The following ASAP2 variants were observed in gnomAD, a reference collection of about 807,000 sequenced individuals.
The protein encoded by ASAP2 is ArfGAP with SH3 domain, ankyrin repeat and PH domain 2, also known as arf-GAP with SH3 domain, ANK repeat and PH domain-containing protein 2.
In ASAP2, 45 loss-of-function variants were observed where a neutral mutation model predicts 131.4. The observed-to-expected ratio is 0.34, with a 90% CI of 0.27 to 0.44. The LOEUF (loss-of-function observed/expected upper bound fraction) is 0.44. ASAP2 is among the 20% of genes least tolerant of loss of function. The pLI, the probability that ASAP2 is intolerant of heterozygous loss-of-function variation, is 1.00. For synonymous variants in ASAP2, 510 were observed against 503.0 expected (o/e 1.01, Z -0.19); for missense variants, 1,011 against 1,297.0 (o/e 0.78, Z 3.39).
intron 6 of ASAP2, among the ~76,000 whole-genome samples, chr2:9,323,506 T>C (rs13384605): frequency 0.42 from 63,890 of 152,140 alleles, 14,958 homozygotes; most frequent in African/African-American, 0.64. Flanking sequence ...TCTTTCTGGC[T>C]TCACGTACGT....
intron 15 of ASAP2, among the ~76,000 whole-genome samples, chr2:9,366,188 C>T (rs1455955396): frequency 1.3e-5 from 2 of 152,074 alleles, no homozygotes; most frequent in African/African-American, 2.4e-5. Flanking sequence ...CAAGGTAGCA[C>T]GTTTCTCTAG....
At chr2:9,272,937 T>G (rs909465733) in intron 1 of ASAP2, among the ~76,000 whole-genome samples, 2 of 152,226 alleles carry the variant, frequency 1.3e-5, no homozygotes, top group Non-Finnish European at 2.9e-5. Context: ...ACCATACTGT[T>G]TTGGCTACTA....
chr2:9,225,863 C>G (rs1434554308), intron 1 of ASAP2, among the ~76,000 whole-genome samples: 1 of 152,178 alleles, frequency 6.6e-6, no homozygotes, highest in East Asian at 1.9e-4. Context: ...TGTGCTGTCA[C>G]CAGGGTTGGT....
At chr2:9,385,161 G>A (rs1251717112) in intron 20 of ASAP2, 84 bp from the exon 21 acceptor site, 1 of 1,035,442 alleles carries the variant, frequency 9.7e-7, no homozygotes, top group East Asian at 2.4e-5. Context: ...TAGAAGGCAG[G>A]CCTCCTGCCT....
chr2:9,401,914 T>C (rs969777460), intron 27 of ASAP2, among the ~76,000 whole-genome samples: 5 of 152,144 alleles, frequency 3.3e-5, no homozygotes, highest in Admixed American at 1.3e-4. Context: ...ATTAGTGGGA[T>C]CATCTGTGAC....
In ASAP2 at chr2:9,350,901, G is replaced by T. The variant is rs753540024; in HGVS notation, c.1111+6G>T. 6.2e-7 allele frequency: 1 copy of T among 1,602,792 alleles called. No homozygotes were observed. The highest frequency in any genetic ancestry group is 8.5e-7 in the Non-Finnish European group (1 of 1,172,346). ...GTGCTTTGACCTCATTTCACGTAAG[G>T]CTCCCTCTGAGATGCCGCGCCATAG... On this transcript the variant is annotated splice_donor_region_variant and intron_variant, in intron 12 of 27. Coordinates refer to ENST00000281419, the MANE Select transcript of ASAP2 (RefSeq NM_003887.3).
Position 9,217,319 on chromosome 2 carries a change from T to C in ASAP2, c.126+10089T>C, listed in dbSNP as rs1662119547. On this transcript the variant is annotated intron_variant, in intron 1 of 27. Coordinates refer to ENST00000281419, the MANE Select transcript of ASAP2 (RefSeq NM_003887.3). This position sits in a 1 kb window ranked among gnomAD's most constrained non-coding sequence, Gnocchi z 4.0. ...CTCCTTGCTGCAGAAATTGTTCTTC[T>C]TTCCTCTCCTCACTGCTCTGCTGAC... is the stretch of plus-strand genomic sequence containing the variant. Among the ~76,000 whole-genome samples the C allele has an allele frequency of 6.6e-6, 1 of 152,234 alleles. No homozygotes were observed. Among genetic ancestry groups the C allele is most frequent in the African/African-American group, 2.4e-5 (1 of 41,462 alleles).
chr2:9,321,983 TGGGC>T (rs1167673975), intron 5 of ASAP2, among the ~76,000 whole-genome samples: 4 of 152,234 alleles, frequency 2.6e-5, no homozygotes, highest in Admixed American at 6.5e-5. Context: ...TTAAAATTCC[TGGGC>T]AGTAGTCCCA....
At chr2:9,371,934 G>A (rs994248860) in intron 16 of ASAP2, among the ~76,000 whole-genome samples, 1 of 152,130 alleles carries the variant, frequency 6.6e-6, no homozygotes, top group Non-Finnish European at 1.5e-5. Flanking sequence ...GGCTAACACG[G>A]TGAAACCCCA....
chr2:9,350,703 G>C (rs967853643), intron 11 of ASAP2, 105 bp from the exon 12 acceptor site: 1 of 942,160 alleles, frequency 1.1e-6, no homozygotes, highest in Non-Finnish European at 1.6e-6. Context: ...TTGCAAACTA[G>C]TGAAGAGCTT....
chr2:9,391,775 G>T (rs1288285039), intron 23 of ASAP2, among the ~76,000 whole-genome samples: 1 of 149,948 alleles, frequency 6.7e-6, no homozygotes, highest in African/African-American at 2.5e-5. Context: ...AGTAGAGATG[G>T]GGTTTCACCA....
intron 27 of ASAP2, among the ~76,000 whole-genome samples, chr2:9,402,356 G>A (rs1055232113): frequency 6.6e-6 from 1 of 152,194 alleles, no homozygotes; most frequent in African/African-American, 2.4e-5. Context: ...TGGCCTGGGC[G>A]CGGTGGCTCA....
intron 27 of ASAP2, among the ~76,000 whole-genome samples, chr2:9,402,495 A>G (rs1425422672): frequency 6.6e-6 from 1 of 152,152 alleles, no homozygotes; most frequent in Non-Finnish European, 1.5e-5. Flanking sequence ...GGTGGCAGGC[A>G]CCTGTAATCC....
intron 2 of ASAP2, among the ~76,000 whole-genome samples, chr2:9,290,697 A>G (rs1226769041): frequency 6.6e-6 from 1 of 152,254 alleles, no homozygotes; most frequent in Non-Finnish European, 1.5e-5. Context: ...GCCTGGCAGG[A>G]TCTCAGTATC....
chr2:9,237,374 A>G (rs1663625873), intron 1 of ASAP2, among the ~76,000 whole-genome samples: 1 of 144,732 alleles, frequency 6.9e-6, no homozygotes, highest in Non-Finnish European at 1.5e-5. Context: ...GGTTCTGCCT[A>G]TTTTCTGAAA....
At chr2:9,369,160 A>G (rs1366073916) in intron 16 of ASAP2, among the ~76,000 whole-genome samples, 2 of 152,078 alleles carry the variant, frequency 1.3e-5, no homozygotes, top group Non-Finnish European at 2.9e-5. Flanking sequence ...CTGGGATTAT[A>G]GGCACATGCC....
intron 1 of ASAP2, among the ~76,000 whole-genome samples, chr2:9,234,341 C>T (rs934521448): frequency 6.6e-6 from 1 of 152,152 alleles, no homozygotes; most frequent in Non-Finnish European, 1.5e-5. Flanking sequence ...TGTGAGAATT[C>T]AGTGAGAAAA....
intron 1 of ASAP2, among the ~76,000 whole-genome samples, chr2:9,220,686 A>G (rs1199036568): frequency 6.6e-6 from 1 of 152,210 alleles, no homozygotes; most frequent in Non-Finnish European, 1.5e-5. Context: ...CCTTCAAAGG[A>G]CAAATTTTTT....
At chr2:9,243,650 A>G (rs768640267) in intron 1 of ASAP2, among the ~76,000 whole-genome samples, 24 of 152,212 alleles carry the variant, frequency 1.6e-4, no homozygotes, top group Non-Finnish European at 3.2e-4. Context: ...TAGCGTTTCC[A>G]CTTACAGAAG....
Sources: allele counts gnomAD v4.1 joint callset (sites outside exome capture counted in the v4.1 genomes callset), GRCh38; gene constraint gnomAD v4.1.1; non-coding constraint Gnocchi (gnomAD v3.1); transcripts MANE v1.5; gene names NCBI Gene and HGNC (gene_info 2026-07-23, HGNC 2026-07-21).